Variants in IMMP2L observed in about 807,000 individuals in gnomAD.
IMMP2L encodes the protein inner mitochondrial membrane peptidase subunit 2.
IMMP2L carries 18 observed loss-of-function variants against 19.3 expected under a neutral mutation model. The observed-to-expected ratio is 0.93, with a 90% CI of 0.64 to 1.38. The LOEUF is 1.38. Ranked by LOEUF, IMMP2L falls within the 40% of genes most tolerant of loss-of-function variation. IMMP2L has a pLI of 0.00. For synonymous variants in IMMP2L, 76 were observed against 73.0 expected, an observed-to-expected ratio of 1.04 and a Z score of -0.21; for missense variants, 233 against 218.2, an observed-to-expected ratio of 1.07 and a Z score of -0.43.
Position 110,902,805 on chromosome 7 carries a change from G to A in IMMP2L, c.306-16110C>T, listed in dbSNP as rs1585200510. Among the ~76,000 whole-genome samples, 3 of 88,016 alleles carry A rather than the reference G, an allele frequency of 3.4e-5. 1 individual carries two copies. The highest frequency in any genetic ancestry group is 7.4e-4 in the East Asian group (1 of 1,350). 57.7% of individuals were successfully genotyped at this position (88,016 alleles called of 152,430 possible). A position where few individuals can be genotyped will look rare whatever the true frequency, so the allele number is the denominator to read the frequency against. On this transcript the variant is annotated intron_variant, in intron 4 of 5. Coordinates refer to ENST00000405709, the MANE Select transcript of IMMP2L (RefSeq NM_032549.4). ...AAATTAGCCGGGCGTAGTGGCGGGC[G>A]CCTGTAGTCCCAGCTACTTGGGAGG...
intron 3 of IMMP2L, among the ~76,000 whole-genome samples, chr7:111,097,976 A>G (rs1797584270): frequency 6.6e-6 from 1 of 151,842 alleles, no homozygotes; most frequent in African/African-American, 2.4e-5. Flanking sequence ...GCGAAAAGAG[A>G]ATTGTGTCTA....
At chr7:111,406,762 T>TAGATATAG (rs373677089) in intron 3 of IMMP2L, among the ~76,000 whole-genome samples, 14 of 152,190 alleles carry the variant, frequency 9.2e-5, no homozygotes, top group African/African-American at 2.9e-4. Flanking sequence ...TCTATATCCC[T>TAGATATAG]GTTAATAGGT....
At chr7:110,706,607 T>G (rs1023742319) in intron 5 of IMMP2L, among the ~76,000 whole-genome samples, 28 of 152,196 alleles carry the variant, frequency 1.8e-4, no homozygotes, top group Admixed American at 5.9e-4. Flanking sequence ...TGATGACTGG[T>G]GATGCTGAGC....
At chr7:111,019,457 T>C (rs1826056353) in intron 3 of IMMP2L, among the ~76,000 whole-genome samples, 1 of 152,046 alleles carries the variant, frequency 6.6e-6, no homozygotes, top group Admixed American at 6.6e-5. Context: ...CCCACCCTCC[T>C]GGGAGCACTG....
At chr7:110,849,587 A>G (rs192079108) in intron 5 of IMMP2L, among the ~76,000 whole-genome samples, 2 of 152,252 alleles carry the variant, frequency 1.3e-5, no homozygotes, top group Non-Finnish European at 1.5e-5. Context: ...TCAAAGCAAA[A>G]TGTAAATTAA....
chr7:111,079,793 T>C (rs1795737980), intron 3 of IMMP2L, among the ~76,000 whole-genome samples: 1 of 152,304 alleles, frequency 6.6e-6, no homozygotes, highest in African/African-American at 2.4e-5. Context: ...ATTCATATAC[T>C]GATGGCACTT....
intron 3 of IMMP2L, among the ~76,000 whole-genome samples, chr7:111,040,591 T>C (rs1404876211): frequency 6.6e-6 from 1 of 150,798 alleles, no homozygotes; most frequent in Admixed American, 6.6e-5. Flanking sequence ...ATATTAGATA[T>C]AAATATCAGG....
At chr7:111,078,498 C>A (rs533884514) in intron 3 of IMMP2L, among the ~76,000 whole-genome samples, 1 of 151,966 alleles carries the variant, frequency 6.6e-6, no homozygotes, top group Non-Finnish European at 1.5e-5. Context: ...AATGGAGTAT[C>A]TATATAGTAT....
chr7:110,774,447 C>T (rs992435386), intron 5 of IMMP2L, among the ~76,000 whole-genome samples: 2 of 151,998 alleles, frequency 1.3e-5, no homozygotes, highest in South Asian at 4.1e-4. Context: ...GTATTTTTTA[C>T]TACTTTTATC....
At chr7:111,195,373 C>A (rs7779599) in intron 3 of IMMP2L, among the ~76,000 whole-genome samples, 1 of 151,776 alleles carries the variant, frequency 6.6e-6, no homozygotes, top group Admixed American at 6.6e-5. Context: ...ACAAACTGGA[C>A]GGACATTATC....
chr7:110,667,935 T>C (rs571691631), intron 5 of IMMP2L, among the ~76,000 whole-genome samples: 5 of 152,350 alleles, frequency 3.3e-5, no homozygotes, highest in South Asian at 4.1e-4. Flanking sequence ...GTTGTTTCTG[T>C]GTTTCCTTTT....
chr7:110,835,612 T>C (rs1804375387), intron 5 of IMMP2L, among the ~76,000 whole-genome samples: 2 of 151,796 alleles, frequency 1.3e-5, no homozygotes, highest in Non-Finnish European at 2.9e-5. Flanking sequence ...CTTGCCTTTG[T>C]TCCCAGAAGG....
intron 1 of IMMP2L, among the ~76,000 whole-genome samples, chr7:111,558,950 A>G (rs984380387): frequency 4.8e-4 from 73 of 152,266 alleles, no homozygotes; most frequent in South Asian, 6.2e-4. Flanking sequence ...AAAAAATACA[A>G]AAGCCACCAA....
intron 3 of IMMP2L, among the ~76,000 whole-genome samples, chr7:111,474,504 T>C (rs976030477): frequency 1.3e-5 from 2 of 151,914 alleles, no homozygotes; most frequent in African/African-American, 4.8e-5. Context: ...TAAGGCAGTT[T>C]TCCGCTTTTT....
chr7:111,555,445 C>T (rs575880323), intron 1 of IMMP2L, among the ~76,000 whole-genome samples: 14 of 99,002 alleles, frequency 1.4e-4, no homozygotes, highest in African/African-American at 4.2e-4. Flanking sequence ...AAGCGACAAC[C>T]TAATCTTCAT....
At chr7:111,180,398 C>T (rs1807572538) in intron 3 of IMMP2L, among the ~76,000 whole-genome samples, 1 of 151,972 alleles carries the variant, frequency 6.6e-6, no homozygotes, top group South Asian at 2.1e-4. Flanking sequence ...CGGAACCTGC[C>T]AGTCAGTGGA....
intron 3 of IMMP2L, among the ~76,000 whole-genome samples, chr7:111,384,759 A>C (rs760654231): frequency 6.6e-6 from 1 of 152,150 alleles, no homozygotes; most frequent in Non-Finnish European, 1.5e-5. Context: ...GCAGCTTTGG[A>C]GTTGTCCCCA....
intron 3 of IMMP2L, among the ~76,000 whole-genome samples, chr7:111,415,078 T>C (rs1258197828): frequency 6.6e-6 from 1 of 151,864 alleles, no homozygotes; most frequent in African/African-American, 2.4e-5. Flanking sequence ...ACAGAGATGA[T>C]TCTGGGAGTC....
chr7:110,756,005 T>C (rs895074599), intron 5 of IMMP2L, among the ~76,000 whole-genome samples: 1 of 152,040 alleles, frequency 6.6e-6, no homozygotes, highest in African/African-American at 2.4e-5. Context: ...AAAAAAGATG[T>C]GGTAAGATTT....
Sources: gnomAD v4.1 joint callset for allele counts (sites outside exome capture counted in the v4.1 genomes callset) on GRCh38, gnomAD v4.1.1 for gene constraint, MANE v1.5 for transcripts, NCBI Gene and HGNC (gene_info 2026-07-23, HGNC 2026-07-21) for gene names.